The following CELSR1 variants were observed in gnomAD, a reference collection of about 807,000 sequenced individuals.
The protein encoded by CELSR1 is adhesion G protein-coupled receptor C1.
CELSR1 carries 110 observed loss-of-function variants against 249.1 expected under a neutral mutation model. The observed-to-expected ratio is 0.44, with a 90% CI of 0.38 to 0.52. The LOEUF is 0.52. Among genes scored for constraint, CELSR1 ranks in the 20% least tolerant of loss-of-function variants. The pLI is 0.00. For missense variants in CELSR1, 4,109 were observed against 4,296.4 expected, an observed-to-expected ratio of 0.96 and a Z score of 1.22; for synonymous variants, 2,113 against 1,900.0, an observed-to-expected ratio of 1.11 and a Z score of -2.92.
rs956132942 is a variant in CELSR1 at position 46,413,120 on chromosome 22, G to C, written c.4612-1361C>G. ...TGCTTCTTTATAAAACGTGGAAATAGATCGTTGTAAAAACGTAGAATTTAA... is the reference window on the plus strand; with the variant it reads ...TGCTTCTTTATAAAACGTGGAAATACATCGTTGTAAAAACGTAGAATTTAA... On this transcript the variant is annotated intron_variant, in intron 5 of 34. Coordinates refer to ENST00000674500, the MANE Select transcript of CELSR1 (RefSeq NM_001378328.1). This position sits in a 1 kb window ranked among gnomAD's most constrained non-coding sequence, Gnocchi z 4.7. Among the ~76,000 whole-genome samples, 2 of 152,234 alleles carry C rather than the reference G, an allele frequency of 1.3e-5. No individual in the cohort carries two copies. Among genetic ancestry groups the C allele is most frequent in the African/African-American group, 4.8e-5 (2 of 41,446 alleles).
At chr22:46,376,654 G>A (rs942084758) in intron 24 of CELSR1, among the ~76,000 whole-genome samples, 22 of 152,132 alleles carry the variant, frequency 1.4e-4, no homozygotes, top group African/African-American at 2.7e-4. Context: ...GGGATTACAC[G>A]CATGAGCCAC....
chr22:46,491,546 A>G (rs914808298), intron 1 of CELSR1, among the ~76,000 whole-genome samples: 78 of 151,350 alleles, frequency 5.2e-4, no homozygotes, highest in Admixed American at 2.6e-3. Flanking sequence ...TACAGGTGTG[A>G]GCCACCACGC....
At chr22:46,508,894 G>T (rs762590778) in intron 1 of CELSR1, among the ~76,000 whole-genome samples, 1 of 152,158 alleles carries the variant, frequency 6.6e-6, no homozygotes, top group Non-Finnish European at 1.5e-5. Flanking sequence ...CCCTGCTGTT[G>T]TCTCCGCCAA....
chr22:46,409,850 C>T lies in CELSR1; in HGVS notation c.4964G>A (p.Gly1655Glu). 6.2e-7 allele frequency: 1 copy of T among 1,613,788 alleles called. No individual in the cohort carries two copies. The change falls in exon 8 of 35, where the codon GGG becomes GAG. Residue 1655 changes from glycine to glutamate, a missense_variant. Physicochemically the swap from Gly to Glu is moderately conservative, Grantham distance 98 (BLOSUM62 -2). Around this residue, in one of 7 missense-constraint regions of CELSR1, gnomAD observed 453 missense variants for 492.0 expected, o/e 0.92. Coordinates refer to ENST00000674500, the MANE Select transcript of CELSR1 (RefSeq NM_001378328.1). The surrounding 1 kb of genome is among the most constrained non-coding windows in gnomAD (Gnocchi z 9.8). Reference sequence around the variant, plus strand: ...GGTGCCTCCATTCTGACACCGCCTCCCATCGCAGAAGTTCCTCCGAGCAGC... The same window carrying T: ...GGTGCCTCCATTCTGACACCGCCTCTCATCGCAGAAGTTCCTCCGAGCAGC... Reference protein sequence around the residue: ...GCAARRNFCDGRRCQNGGTCV... With the variant: ...GCAARRNFCDERRCQNGGTCV...
intron 1 of CELSR1, among the ~76,000 whole-genome samples, chr22:46,503,770 C>G (rs2080488088): frequency 6.6e-6 from 1 of 152,234 alleles, no homozygotes; most frequent in Non-Finnish European, 1.5e-5. Context: ...CGTCTCACGC[C>G]GGTAATCCCA....
rs1245502514 is a variant in CELSR1 at position 46,381,532 on chromosome 22, G to A, written c.7088+314C>T. Among the ~76,000 whole-genome samples, 1 of 152,212 alleles carries A rather than the reference G, an allele frequency of 6.6e-6. No individual in the cohort carries two copies. Among genetic ancestry groups the A allele is most frequent in the Non-Finnish European group, 1.5e-5 (1 of 68,034 alleles). On this transcript the variant is annotated intron_variant, in intron 21 of 34. Coordinates refer to ENST00000674500, the MANE Select transcript of CELSR1 (RefSeq NM_001378328.1). This position sits in a 1 kb window ranked among gnomAD's most constrained non-coding sequence, Gnocchi z 6.0. Reference sequence around the variant, plus strand: ...CACTACCCATGACAGCCTTGGGCCAGGTGTGTGGGGACAGAATGGGGTCCC... The same window carrying A: ...CACTACCCATGACAGCCTTGGGCCAAGTGTGTGGGGACAGAATGGGGTCCC...
chr22:46,536,057 C>T lies in CELSR1; in HGVS notation c.1114G>A (p.Val372Met). 1 of 1,610,966 alleles carries T rather than the reference C, an allele frequency of 6.2e-7. No individual in the cohort carries two copies. Among genetic ancestry groups the T allele is most frequent in the South Asian group, 1.1e-5 (1 of 91,066 alleles). ...CGGTCGCTGGCGCGGATGGTCAGCA[C>T]CTCGTAGCCCACCTCCAGGTTCTCC... ...VRENLEVGYE[V>M]LTIRASDRDS... Residue 372 changes from valine to methionine, a missense_variant, in exon 1 of 35, where the codon GTG becomes ATG. By Grantham distance (21) the Val-to-Met change is conservative. Around this residue, in one of 7 missense-constraint regions of CELSR1, gnomAD observed 673 missense variants for 636.8 expected, o/e 1.06. Coordinates refer to ENST00000674500, the MANE Select transcript of CELSR1 (RefSeq NM_001378328.1).
intron 1 of CELSR1, among the ~76,000 whole-genome samples, chr22:46,483,385 C>CTTTTTTTTTT (rs10647586): frequency 1.2e-5 from 1 of 81,212 alleles, no homozygotes; most frequent in Non-Finnish European, 2.2e-5. Flanking sequence ...CTATTCCTGA[C>CTTTTTTTTTT]TTTTTTTTTT....
intron 2 of CELSR1, among the ~76,000 whole-genome samples, chr22:46,457,442 C>T (rs919326060): frequency 6.6e-6 from 1 of 152,126 alleles, no homozygotes; most frequent in African/African-American, 2.4e-5. Context: ...GGCCCACTGG[C>T]GCACACAGGA....
At chr22:46,532,521 C>T (rs1412949605) in intron 1 of CELSR1, among the ~76,000 whole-genome samples, 2 of 152,178 alleles carry the variant, frequency 1.3e-5, no homozygotes, top group Admixed American at 6.5e-5. Flanking sequence ...ACCTTGGAAA[C>T]GAAACAAATC....
chr22:46,435,195 G>T (rs145563963), intron 4 of CELSR1, among the ~76,000 whole-genome samples: 1 of 147,038 alleles, frequency 6.8e-6, no homozygotes, highest in African/African-American at 2.5e-5. Context: ...CAAGCAATCT[G>T]CCCGCCTTGG....
Position 46,411,906 on chromosome 22 carries a change from C to T in CELSR1, c.4612-147G>A, listed in dbSNP as rs991096396. 2 of 960,518 alleles carry T rather than the reference C, an allele frequency of 2.1e-6. No homozygotes were observed. The highest frequency in any genetic ancestry group is 1.5e-5 in the South Asian group (1 of 65,728). The allele number at this position is 960,518 out of a possible 1,614,324, so 59.5% of individuals were successfully genotyped here. A position where few individuals can be genotyped will look rare whatever the true frequency, so the allele number is the denominator to read the frequency against. On this transcript the variant is annotated intron_variant, in intron 5 of 34. Transcript: ENST00000674500. This position sits in a 1 kb window ranked among gnomAD's most constrained non-coding sequence, Gnocchi z 4.2. ...ATGAGGAGCCCCCGGCCTTTAGTTC[C>T]CCAAACTAGCTGTGCTGGGCTGCTC...
Position 46,517,906 on chromosome 22 carries a change from T to TTTTC in CELSR1, c.3544+15720_3544+15721insGAAA, listed in dbSNP as rs201090741. On this transcript the variant is annotated intron_variant, in intron 1 of 34. Transcript: ENST00000674500. The surrounding 1 kb of genome is among the most constrained non-coding windows in gnomAD (Gnocchi z 5.4). Reference sequence around the variant, plus strand: ...ACACCTCCCACGGTGTCCCCTTCCTTTTTTTTTTTTTTTGAGACAGAGTTT... The same window carrying TTTTC: ...ACACCTCCCACGGTGTCCCCTTCCTTTTTCTTTTTTTTTTTTTGAGACAGAGTTT... Among the ~76,000 whole-genome samples, 44 of 145,864 alleles carry TTTTC rather than the reference T, an allele frequency of 3.0e-4. 1 individual carries two copies. The highest frequency in any genetic ancestry group is 2.5e-3 in the Admixed American group (37 of 14,558).
At chr22:46,364,452 C>A in intron 33 of CELSR1, 60 bp downstream of exon 33, 1 of 1,554,796 alleles carries the variant, frequency 6.4e-7, no homozygotes, top group East Asian at 2.3e-5. Context: ...ACCTCCAGAC[C>A]AGGGACTGGC....
rs1217379706 is a variant in CELSR1 at position 46,446,784 on chromosome 22, GATGAA to G, written c.4184-7378_4184-7374del. On this transcript the variant is annotated intron_variant, in intron 2 of 34. Coordinates refer to ENST00000674500, the MANE Select transcript of CELSR1 (RefSeq NM_001378328.1). This position sits in a 1 kb window ranked among gnomAD's most constrained non-coding sequence, Gnocchi z 5.5. ...ATTCAAATAGTGCAGGAAAGGTGTT[GATGAA>G]ATGAATTAATTTTATAGTTAAAACA... 1.3e-5 allele frequency among the ~76,000 whole-genome samples: 2 copies of G among 152,122 alleles called. No individual in the cohort carries two copies. The highest frequency in any genetic ancestry group is 4.8e-5 in the African/African-American group (2 of 41,398).
At position 46,398,744 on chromosome 22, in the gene CELSR1, C is replaced by G; in HGVS notation, c.5413-107G>C. The stretch of plus-strand genomic sequence containing the variant: ...AAGTCTAAACAGTCACTTCAACAAA[C>G]TCCGCAGAGCCTGAGGACATCTGGG... On this transcript the variant is annotated intron_variant, in intron 10 of 34. Transcript: ENST00000674500. The surrounding 1 kb of genome is among the most constrained non-coding windows in gnomAD (Gnocchi z 7.2). The G allele has an allele frequency of 2.4e-6, 2 of 818,370 alleles. No individual in the cohort carries two copies. The highest frequency in any genetic ancestry group is 3.8e-6 in the Non-Finnish European group (2 of 525,984). 50.7% of individuals were successfully genotyped at this position (818,370 alleles called of 1,614,324 possible).
chr22:46,363,612 C>T lies in CELSR1; in HGVS notation c.9036-365G>A. 2.8e-6 allele frequency: 1 copy of T among 355,704 alleles called. No individual in the cohort carries two copies. The highest frequency in any genetic ancestry group is 4.3e-5 in the South Asian group (1 of 23,316). 22.0% of individuals were successfully genotyped at this position (355,704 alleles called of 1,614,324 possible). A position where few individuals can be genotyped will look rare whatever the true frequency, so the allele number is the denominator to read the frequency against. ...GAGGTCTGGGGCCAGGACCCCAGCTCCACCCCGCCCCCTTCACCCCTGGCA... is the reference window on the plus strand; with the variant it reads ...GAGGTCTGGGGCCAGGACCCCAGCTTCACCCCGCCCCCTTCACCCCTGGCA... On this transcript the variant is annotated intron_variant, in intron 34 of 34. Coordinates refer to ENST00000674500, the MANE Select transcript of CELSR1 (RefSeq NM_001378328.1). The surrounding 1 kb of genome is among the most constrained non-coding windows in gnomAD (Gnocchi z 4.3).
In CELSR1 at chr22:46,445,733, C is replaced by T. The variant is rs1471504548; in HGVS notation, c.4184-6322G>A. Among the ~76,000 whole-genome samples, 1 of 152,348 alleles carries T rather than the reference C, an allele frequency of 6.6e-6. No homozygotes were observed. The highest frequency in any genetic ancestry group is 1.9e-4 in the East Asian group (1 of 5,174). ...CATTCTAGCCTCTGCAAACCCGGTG[C>T]CCCGAGAGCAGCAGCGCCTGGCTGG... On this transcript the variant is annotated intron_variant, in intron 2 of 34. Coordinates refer to ENST00000674500, the MANE Select transcript of CELSR1 (RefSeq NM_001378328.1). This position sits in a 1 kb window ranked among gnomAD's most constrained non-coding sequence, Gnocchi z 4.4.
chr22:46,477,986 C>A (rs986632484), intron 1 of CELSR1, among the ~76,000 whole-genome samples: 6 of 152,172 alleles, frequency 3.9e-5, no homozygotes, highest in Admixed American at 3.9e-4. Flanking sequence ...CAGCAGCACC[C>A]CCACCCCAGG....
Sources: gnomAD v4.1 joint callset for allele counts (sites outside exome capture counted in the v4.1 genomes callset) on GRCh38, gnomAD v4.1.1 for gene constraint, gnomAD v4.1.1 regional missense constraint, Gnocchi (gnomAD v3.1) non-coding constraint, MANE v1.5 for transcripts, NCBI Gene and HGNC (gene_info 2026-07-23, HGNC 2026-07-21) for gene names.